The following BLOC1S5 variants were observed in gnomAD, a reference collection of about 807,000 sequenced individuals.
BLOC1S5 encodes biogenesis of lysosomal organelles complex 1 subunit 5, also known as biogenesis of lysosome-related organelles complex 1 subunit 5.
Under a neutral mutation model 24.3 loss-of-function variants are expected in BLOC1S5, and 27 were observed. That is an observed-to-expected ratio of 1.11 (90% CI 0.82 to 1.53). The LOEUF is 1.53. BLOC1S5 is among the 40% of genes most tolerant of loss of function. The pLI is 0.00. For missense variants in BLOC1S5, 239 were observed against 229.4 expected, an observed-to-expected ratio of 1.04 and a Z score of -0.27; for synonymous variants, 84 against 74.5, an observed-to-expected ratio of 1.13 and a Z score of -0.66.
Position 8,044,391 on chromosome 6 carries a change from T to C in BLOC1S5, c.196-3123A>G, listed in dbSNP as rs1439928666. Reference sequence around the variant, plus strand: ...AAGTCCAATTAAACCTCTTTTTCTTTCCAGTCTTGGGTATGTCTTTATCAG... The same window carrying C: ...AAGTCCAATTAAACCTCTTTTTCTTCCCAGTCTTGGGTATGTCTTTATCAG... On this transcript the variant is annotated intron_variant, in intron 2 of 4. Coordinates refer to ENST00000397457, the MANE Select transcript of BLOC1S5 (RefSeq NM_201280.3). 2.6e-5 allele frequency among the ~76,000 whole-genome samples: 4 copies of C among 152,200 alleles called. 1 individual carries two copies. Among genetic ancestry groups the C allele is most frequent in the Middle Eastern group, 6.9e-3 (2 of 290 alleles).
At chr6:8,027,360 C>A (rs1277425089) in intron 3 of BLOC1S5, 1 of 456,612 alleles carries the variant, frequency 2.2e-6, no homozygotes, top group East Asian at 6.9e-5. Context: ...AGGCACTGTT[C>A]TTGTTGGTCC....
intron 4 of BLOC1S5, among the ~76,000 whole-genome samples, chr6:8,025,299 C>T (rs979412709): frequency 3.3e-5 from 5 of 152,202 alleles, no homozygotes; most frequent in African/African-American, 1.2e-4. Flanking sequence ...AATATATCTG[C>T]TGTCCAGCCT....
intron 4 of BLOC1S5, among the ~76,000 whole-genome samples, chr6:8,025,738 A>G (rs1393329648): frequency 6.6e-6 from 1 of 152,178 alleles, no homozygotes; most frequent in Non-Finnish European, 1.5e-5. Flanking sequence ...CATTATTTTC[A>G]GTGACTTAGT....
intron 2 of BLOC1S5, among the ~76,000 whole-genome samples, chr6:8,045,760 G>A (rs1763865456): frequency 6.6e-6 from 1 of 152,142 alleles, no homozygotes; most frequent in African/African-American, 2.4e-5. Flanking sequence ...TAATCCCTTT[G>A]TTTTGGCACA....
chr6:8,045,583 G>C (rs563962386), intron 2 of BLOC1S5, among the ~76,000 whole-genome samples: 1 of 152,160 alleles, frequency 6.6e-6, no homozygotes, highest in Non-Finnish European at 1.5e-5. Context: ...AAGAAGCTAG[G>C]AGGGAGGCTG....
chr6:8,015,975 T>TCC, intron 4 of BLOC1S5, 147 bp from the exon 5 acceptor site: 1 of 668,420 alleles, frequency 1.5e-6, no homozygotes, highest in Non-Finnish European at 2.5e-6. Flanking sequence ...GATGACACAT[T>TCC]AGAAACATCT....
chr6:8,041,970 G>C (rs1290251886), intron 2 of BLOC1S5: 1 of 152,180 alleles, frequency 6.6e-6, no homozygotes, highest in Non-Finnish European at 1.5e-5. Flanking sequence ...TACTTTCTAA[G>C]ATATCCACCC....
chr6:8,062,733 G>C (rs1200543813), intron 1 of BLOC1S5, 117 bp from the exon 2 acceptor site: 2 of 630,122 alleles, frequency 3.2e-6, no homozygotes, highest in Non-Finnish European at 5.4e-6. Flanking sequence ...TTTAGACTAT[G>C]GACTAAGAAG....
intron 3 of BLOC1S5, among the ~76,000 whole-genome samples, chr6:8,029,530 G>C (rs776270557): frequency 6.6e-6 from 1 of 152,114 alleles, no homozygotes; most frequent in Non-Finnish European, 1.5e-5. Context: ...TATCCTCAAG[G>C]ACAGCCAGAA....
At position 8,037,903 on chromosome 6, in the gene BLOC1S5, C is replaced by T. The variant is rs146058352; in HGVS notation, c.325+3236G>A. Among the ~76,000 whole-genome samples the T allele has an allele frequency of 3.4e-3, 520 of 152,176 alleles. 3 individuals are homozygous for T. The highest frequency in any genetic ancestry group is 0.033 in the East Asian group (169 of 5,186). The stretch of plus-strand genomic sequence containing the variant: ...AGGACAGGCTCTTCGATAACCAGTG[C>T]TGGGAAAACTGGATATCAGTATGAC... On this transcript the variant is annotated intron_variant, in intron 3 of 4. Transcript: ENST00000397457.
intron 3 of BLOC1S5, among the ~76,000 whole-genome samples, chr6:8,040,154 C>A (rs181833106): frequency 6.6e-6 from 1 of 152,236 alleles, no homozygotes; most frequent in East Asian, 1.9e-4. Flanking sequence ...GCTCTGGAGG[C>A]AGAAGAGCTA....
Position 8,015,492 on chromosome 6 carries a change from A to G in BLOC1S5, c.*157T>C. The G allele has an allele frequency of 2.9e-6, 2 of 688,324 alleles. No individual in the cohort carries two copies. Among genetic ancestry groups the G allele is most frequent in the Non-Finnish European group, 4.6e-6 (2 of 438,224 alleles). 42.6% of individuals were successfully genotyped at this position (688,324 alleles called of 1,614,324 possible). ...ATGTGGCACCCTTCTTTAAATATCCAATCAGAATGCCAGTAGAAACTTCTT... is the reference window on the plus strand; with the variant it reads ...ATGTGGCACCCTTCTTTAAATATCCGATCAGAATGCCAGTAGAAACTTCTT... On this transcript the variant is annotated 3_prime_UTR_variant, in exon 5 of 5. Coordinates refer to ENST00000397457, the MANE Select transcript of BLOC1S5 (RefSeq NM_201280.3).
rs368464098 is a variant in BLOC1S5 at position 8,064,246 on chromosome 6, T to C, written c.112+19A>G. The C allele has an allele frequency of 6.9e-6, 11 of 1,601,898 alleles. No individual in the cohort carries two copies. The highest frequency in any genetic ancestry group is 4.0e-5 in the African/African-American group (3 of 74,552). ...CTGTGCTGGGATCCACCAGGAACTA[T>C]AGCCCTGACACTCCGTACCCTTGAT... is the stretch of plus-strand genomic sequence containing the variant. On this transcript the variant is annotated intron_variant, in intron 1 of 4. Coordinates refer to ENST00000397457, the MANE Select transcript of BLOC1S5 (RefSeq NM_201280.3).
intron 2 of BLOC1S5, among the ~76,000 whole-genome samples, chr6:8,055,533 T>C (rs1372622614): frequency 6.6e-6 from 1 of 152,220 alleles, no homozygotes; most frequent in Non-Finnish European, 1.5e-5. Flanking sequence ...CTTTATCCTC[T>C]AATCAATTGT....
intron 2 of BLOC1S5, among the ~76,000 whole-genome samples, chr6:8,051,698 C>T (rs1445589921): frequency 6.6e-6 from 1 of 152,146 alleles, no homozygotes; most frequent in Non-Finnish European, 1.5e-5. Context: ...AAGTTGAAGC[C>T]GGTGCTCACA....
chr6:8,031,907 G>C (rs764404351), intron 3 of BLOC1S5, among the ~76,000 whole-genome samples: 48 of 152,164 alleles, frequency 3.2e-4, no homozygotes, highest in Non-Finnish European at 6.5e-4. Context: ...GGAATAATTG[G>C]CATGCCACAT....
intron 2 of BLOC1S5, among the ~76,000 whole-genome samples, chr6:8,051,854 GAA>G (rs548463313): frequency 7.3e-5 from 11 of 150,960 alleles, no homozygotes; most frequent in Non-Finnish European, 1.5e-4. Context: ...CTACTGCTCA[GAA>G]AAAAAGACTC....
At chr6:8,033,486 A>G (rs951376519) in intron 3 of BLOC1S5, among the ~76,000 whole-genome samples, 17 of 152,240 alleles carry the variant, frequency 1.1e-4, no homozygotes, top group African/African-American at 3.9e-4. Context: ...TTCAAGATGG[A>G]TTAAAGACTT....
Position 8,064,190 on chromosome 6 carries a change from C to A in BLOC1S5, c.112+75G>T. The stretch of plus-strand genomic sequence containing the variant: ...CCAGCCCGGGACCCGGGGGTCGGCC[C>A]GGGTCAGAGGGCGCCGCCTGGGAGA... On this transcript the variant is annotated intron_variant, in intron 1 of 4. Transcript: ENST00000397457. 2.3e-6 allele frequency: 3 copies of A among 1,316,972 alleles called. No individual in the cohort carries two copies. The South Asian group carries it at 4.4e-5, about 19-fold the overall frequency. 81.6% of individuals were successfully genotyped at this position (1,316,972 alleles called of 1,614,324 possible). A position where few individuals can be genotyped will look rare whatever the true frequency, so the allele number is the denominator to read the frequency against.
Sources: gnomAD v4.1 joint callset for allele counts (sites outside exome capture counted in the v4.1 genomes callset) on GRCh38, gnomAD v4.1.1 for gene constraint, MANE v1.5 for transcripts, NCBI Gene and HGNC (gene_info 2026-07-23, HGNC 2026-07-21) for gene names.